Variants in SP140 observed in about 807,000 individuals in gnomAD.
SP140 encodes nuclear body protein SP140.
Under a neutral mutation model 125.0 loss-of-function variants are expected in SP140, and 81 were observed. That is an observed-to-expected ratio of 0.65 (90% CI 0.54 to 0.78). SP140 has a LOEUF of 0.78. SP140 is among the 30% of genes least tolerant of loss of function. SP140 has a pLI of 0.00. For missense variants in SP140, 858 were observed against 1,037.0 expected (o/e 0.83, Z 2.37); for synonymous variants, 312 against 354.0 (o/e 0.88, Z 1.33).
rs564689094 is a variant in SP140, at chr2:230,211,655, G to C, written c.-322-1999G>C. The C allele has an allele frequency of 4.2e-5, 33 of 788,408 alleles. No homozygotes were observed. In the African/African-American group the frequency reaches 4.9e-4, roughly 12 times the overall value. 48.8% of individuals were successfully genotyped at this position (788,408 alleles called of 1,614,324 possible). A position where few individuals can be genotyped will look rare whatever the true frequency, so the allele number is the denominator to read the frequency against. ...TATTCCAACAAGTAAAAATGACGGG[G>C]TAACAGCAACCAAGGCCTGGGAAAG... On this transcript the variant is annotated intron_variant, in intron 1 of 4. Transcript: ENST00000456542. The surrounding 1 kb of genome is among the most constrained non-coding windows in gnomAD (Gnocchi z 4.2).
At chr2:230,287,487 T>C (rs1327829186) in intron 17 of SP140, among the ~76,000 whole-genome samples, 5 of 152,216 alleles carry the variant, frequency 3.3e-5, no homozygotes, top group Non-Finnish European at 7.3e-5. Flanking sequence ...GTAATGACGG[T>C]AATCATCATT....
chr2:230,290,542 A>G lies in SP140; in HGVS notation c.1803A>G (p.Leu601=). ...CCTGTGGTGGGGTGAAGGGAATTTT[A>G]CATAAGAAGAAATTGCAGCAAGGTA... is the stretch of plus-strand genomic sequence containing the variant. ...PVTCGGVKGI[L]HKKKLQQGIL... is the part of the protein sequence containing the mutation. Residue 601 remains leucine, a synonymous_variant, in exon 19 of 27, where the codon TTA becomes TTG. Transcript: ENST00000392045. The G allele has an allele frequency of 6.2e-7, 1 of 1,613,662 alleles. No homozygotes were observed. Among genetic ancestry groups the G allele is most frequent in the Non-Finnish European group, 8.5e-7 (1 of 1,179,794 alleles).
intron 23 of SP140, 174 bp downstream of exon 23, chr2:230,310,213 T>C (rs1247068293): frequency 1.6e-6 from 1 of 621,464 alleles, no homozygotes; most frequent in Non-Finnish European, 2.8e-6. Context: ...CAGCAGGAGG[T>C]TAATGTCCTC....
chr2:230,208,379 C>T (rs1036873782), intron 1 of SP140, among the ~76,000 whole-genome samples: 2 of 152,148 alleles, frequency 1.3e-5, no homozygotes, highest in African/African-American at 4.8e-5. Context: ...AGCTGTGATA[C>T]ATGTAATGCA....
intron 3 of SP140, among the ~76,000 whole-genome samples, chr2:230,240,598 A>G (rs2048588329): frequency 6.6e-6 from 1 of 152,236 alleles, no homozygotes; most frequent in Non-Finnish European, 1.5e-5. Flanking sequence ...ATGCAAATTA[A>G]AGTTATAGTG....
intron 18 of SP140, among the ~76,000 whole-genome samples, chr2:230,289,375 A>C (rs144425816): frequency 6.6e-6 from 1 of 152,330 alleles, no homozygotes; most frequent in South Asian, 2.1e-4. Context: ...CCTTTGTCAG[A>C]TAGATAGACT....
In SP140 at chr2:230,305,575, C is replaced by T. The variant is rs553914780; in HGVS notation, c.2059-4349C>T. Among the ~76,000 whole-genome samples the T allele has an allele frequency of 1.6e-3, 237 of 152,352 alleles. 2 individuals are homozygous for T. Among genetic ancestry groups the T allele is most frequent in the African/African-American group, 4.3e-3 (177 of 41,576 alleles). ...TGCAATGGGGCTAGGCCCAGCTGCC[C>T]GTAGGGCGTGGTCAGGCAGGGAGGG... is the stretch of plus-strand genomic sequence containing the variant. On this transcript the variant is annotated intron_variant, in intron 22 of 26. Transcript: ENST00000392045.
chr2:230,284,547 G>C (rs1171841642), intron 16 of SP140, 136 bp downstream of exon 16: 4 of 655,410 alleles, frequency 6.1e-6, no homozygotes, highest in Non-Finnish European at 9.6e-6. Flanking sequence ...CTAACAGGCT[G>C]TGACAAAGAG....
intron 22 of SP140, 131 bp from the exon 23 acceptor site, chr2:230,309,791 CTT>C (rs760582176): frequency 9.2e-5 from 76 of 830,562 alleles, no homozygotes; most frequent in Admixed American, 2.1e-4. Flanking sequence ...CATGTTTTTC[CTT>C]CATATCCCAG....
At chr2:230,282,142 TTCTCCTCTGGGGATATTAAGCAAA>T (rs1166607738) in intron 15 of SP140, among the ~76,000 whole-genome samples, 1 of 152,274 alleles carries the variant, frequency 6.6e-6, no homozygotes, top group Admixed American at 6.5e-5. Context: ...ATTTAAGCAA[TTCTCCTCTGGGGATATTAAGCAAA>T]TCTCCTCTGG....
chr2:230,305,387 AG>A (rs1273958368), intron 22 of SP140, among the ~76,000 whole-genome samples: 1 of 152,278 alleles, frequency 6.6e-6, no homozygotes, highest in Non-Finnish European at 1.5e-5. Flanking sequence ...CATTTCATCC[AG>A]CAATCCCACT....
chr2:230,224,426 AGAGG>A (rs201827827), upstream of SP140, among the ~76,000 whole-genome samples: 941 of 106,628 alleles, frequency 8.8e-3, 14 homozygotes, highest in African/African-American at 0.033. Flanking sequence ...CTTGTTTTAA[AGAGG>A]GAGGGAGAGG....
chr2:230,299,247 C>T (rs1220121245), intron 22 of SP140, among the ~76,000 whole-genome samples: 2 of 152,102 alleles, frequency 1.3e-5, no homozygotes, highest in African/African-American at 4.8e-5. Context: ...TGGGAGATAG[C>T]CAAAAAACCG....
chr2:230,195,938 T>C, the SP140 span, among the ~76,000 whole-genome samples: 116,215 of 152,038 alleles, frequency 0.76, 44,542 homozygotes, highest in Admixed American at 0.83. Context: ...AAGCAAAAAA[T>C]ATAAGTTAAA....
At chr2:230,275,317 C>T (rs2054552587) in intron 15 of SP140, among the ~76,000 whole-genome samples, 1 of 151,988 alleles carries the variant, frequency 6.6e-6, no homozygotes, top group African/African-American at 2.4e-5. Context: ...CAAAAAAAGT[C>T]TGTTGGTGCC....
At chr2:230,276,583 A>G (rs2054743571) in intron 15 of SP140, among the ~76,000 whole-genome samples, 1 of 152,224 alleles carries the variant, frequency 6.6e-6, no homozygotes, top group African/African-American at 2.4e-5. Context: ...TGCTAACACA[A>G]CGTCCATTCT....
chr2:230,284,615 G>A (rs977138753), intron 16 of SP140, among the ~76,000 whole-genome samples: 4 of 152,178 alleles, frequency 2.6e-5, no homozygotes, highest in African/African-American at 4.8e-5. Flanking sequence ...TAGTCCAGAG[G>A]CCCACAGTTA....
intron 19 of SP140, among the ~76,000 whole-genome samples, chr2:230,291,892 T>C (rs562920085): frequency 3.5e-4 from 53 of 152,324 alleles, no homozygotes; most frequent in African/African-American, 1.1e-3. Flanking sequence ...AAGGCTCCAA[T>C]TTCTCTACAT....
rs776107756 is a variant in SP140, at chr2:230,312,717, A to G, written c.*33A>G. 6.7e-7 allele frequency: 1 copy of G among 1,492,266 alleles called. No homozygotes were observed. The highest frequency in any genetic ancestry group is 9.3e-7 in the Non-Finnish European group (1 of 1,071,196). 92.4% of individuals were successfully genotyped at this position (1,492,266 alleles called of 1,614,324 possible). ...AGTGGATGCTGAAAGCATTCAGCAA[A>G]TGGCACCCTAAAATATGCCGCTGGT... On this transcript the variant is annotated 3_prime_UTR_variant, in exon 27 of 27. Transcript: ENST00000392045.
Sources: gnomAD v4.1 joint callset for allele counts (sites outside exome capture counted in the v4.1 genomes callset) on GRCh38, gnomAD v4.1.1 for gene constraint, Gnocchi (gnomAD v3.1) non-coding constraint, MANE v1.5 for transcripts, NCBI Gene and HGNC (gene_info 2026-07-23, HGNC 2026-07-21) for gene names.